Variants in JAKMIP1 observed in about 807,000 individuals in gnomAD.
JAKMIP1 encodes the protein janus kinase and microtubule-interacting protein 1.
JAKMIP1 carries 33 observed loss-of-function variants against 113.0 expected under a neutral mutation model. That is an observed-to-expected ratio of 0.29 (90% CI 0.22 to 0.39). The LOEUF (loss-of-function observed/expected upper bound fraction) is 0.39. JAKMIP1 is among the 10% of genes least tolerant of loss of function. The pLI is 1.00. For missense variants in JAKMIP1, 813 were observed against 1,080.5 expected, an observed-to-expected ratio of 0.75 and a Z score of 3.47; for synonymous variants, 480 against 459.9, an observed-to-expected ratio of 1.04 and a Z score of -0.56.
intron 1 of JAKMIP1, among the ~76,000 whole-genome samples, chr4:6,119,373 C>G (rs936707789): frequency 6.6e-6 from 1 of 152,072 alleles, no homozygotes; most frequent in African/African-American, 2.4e-5. Flanking sequence ...GAAGAAACCC[C>G]CCTCTCGGCT....
Position 6,050,349 on chromosome 4 carries a change from C to T in JAKMIP1, c.1908+229G>A, listed in dbSNP as rs1715503704. On this transcript the variant is annotated intron_variant, in intron 14 of 20. Transcript: ENST00000409021. This position sits in a 1 kb window ranked among gnomAD's most constrained non-coding sequence, Gnocchi z 7.4. ...TTTACAGGCCAGAGCAGTGGTGGAA[C>T]TGGGGTTCACACTCAGGGCTATACA... 6.6e-6 allele frequency among the ~76,000 whole-genome samples: 1 copy of T among 152,214 alleles called. No homozygotes were observed. The highest frequency in any genetic ancestry group is 2.4e-5 in the African/African-American group (1 of 41,456).
At chr4:6,037,590 C>A (rs1295277354) in intron 18 of JAKMIP1, among the ~76,000 whole-genome samples, 1 of 147,812 alleles carries the variant, frequency 6.8e-6, no homozygotes, top group African/African-American at 2.6e-5. Context: ...ACCCAGTAGC[C>A]CTCCATCACC....
chr4:6,190,150 G>T (rs1215763100), intron 1 of JAKMIP1, among the ~76,000 whole-genome samples: 1 of 152,136 alleles, frequency 6.6e-6, no homozygotes, highest in African/African-American at 2.4e-5. Flanking sequence ...GTTCTCAGGA[G>T]AGGGCTATGG....
intron 19 of JAKMIP1, among the ~76,000 whole-genome samples, chr4:6,030,092 C>T (rs1430385500): frequency 6.6e-6 from 1 of 152,186 alleles, no homozygotes; most frequent in Non-Finnish European, 1.5e-5. Context: ...TTACACAGTA[C>T]ACATTCTTAA....
Position 6,139,083 on chromosome 4 carries a change from CATAT to C in JAKMIP1, c.-147-26090_-147-26087del, listed in dbSNP as rs768087157. Among the ~76,000 whole-genome samples the C allele has an allele frequency of 5.5e-3, 172 of 31,250 alleles. No homozygotes were observed. The highest frequency in any genetic ancestry group is 0.011 in the Non-Finnish European group (118 of 10,296). The allele number at this position is 31,250 out of a possible 152,430, so 20.5% of individuals were successfully genotyped here. On this transcript the variant is annotated intron_variant, in intron 1 of 20. Transcript: ENST00000409021. The surrounding 1 kb of genome is among the most constrained non-coding windows in gnomAD (Gnocchi z 5.2). ...ACACACACACACACACACACACACA[CATAT>C]ACACACACACACACACACCAGCAGG...
At position 6,135,396 on chromosome 4, in the gene JAKMIP1, A is replaced by G. The variant is rs959346361; in HGVS notation, c.-147-22399T>C. On this transcript the variant is annotated intron_variant, in intron 1 of 20. Transcript: ENST00000409021. The surrounding 1 kb of genome is among the most constrained non-coding windows in gnomAD (Gnocchi z 4.9). ...AAGGAGAGAGGCTTCGGAAGAAACC[A>G]ACCCTGGTGGCAGCTTGATCTCGGA... Among the ~76,000 whole-genome samples, 1 of 152,162 alleles carries G rather than the reference A, an allele frequency of 6.6e-6. No homozygotes were observed. Among genetic ancestry groups the G allele is most frequent in the Non-Finnish European group, 1.5e-5 (1 of 68,032 alleles).
chr4:6,071,469 C>G (rs1718951516), intron 8 of JAKMIP1, among the ~76,000 whole-genome samples: 1 of 152,252 alleles, frequency 6.6e-6, no homozygotes, highest in South Asian at 2.1e-4. Context: ...GACCCAGCCT[C>G]TGCAGCAGCT....
At chr4:6,026,866 A>ATTTT (rs370379960) in intron 20 of JAKMIP1, among the ~76,000 whole-genome samples, 14 of 140,702 alleles carry the variant, frequency 1.0e-4, no homozygotes, top group Admixed American at 2.8e-4. Flanking sequence ...ATTTCTTTGC[A>ATTTT]TTTTTTTTTT....
At chr4:6,164,498 C>G (rs1451717746) in intron 1 of JAKMIP1, among the ~76,000 whole-genome samples, 1 of 152,112 alleles carries the variant, frequency 6.6e-6, no homozygotes, top group Non-Finnish European at 1.5e-5. Flanking sequence ...TTCTGCAGCC[C>G]ATGGATCAAG....
chr4:6,128,384 G>A (rs555456511), intron 1 of JAKMIP1, among the ~76,000 whole-genome samples: 1 of 152,136 alleles, frequency 6.6e-6, no homozygotes, highest in Non-Finnish European at 1.5e-5. Context: ...TGGACAGAAG[G>A]CCACCTGCTT....
Position 6,094,276 on chromosome 4 carries a change from T to C in JAKMIP1, c.625-8647A>G, listed in dbSNP as rs533714543. On this transcript the variant is annotated intron_variant, in intron 3 of 20. Transcript: ENST00000409021. The surrounding 1 kb of genome is among the most constrained non-coding windows in gnomAD (Gnocchi z 4.2). ...CTCACCAAATGGAGTGCCCGGAAAA[T>C]ATATAGCCTCTCTTCCGTAATTTTC... Among the ~76,000 whole-genome samples the C allele has an allele frequency of 7.7e-4, 117 of 152,014 alleles. No individual in the cohort carries two copies. Among genetic ancestry groups the C allele is most frequent in the Non-Finnish European group, 1.5e-3 (103 of 67,956 alleles).
chr4:6,183,894 C>T lies in JAKMIP1; in HGVS notation c.-148+16359G>A, dbSNP rs938360225. Among the ~76,000 whole-genome samples, 4 of 152,162 alleles carry T rather than the reference C, an allele frequency of 2.6e-5. No homozygotes were observed. The highest frequency in any genetic ancestry group is 5.9e-5 in the Non-Finnish European group (4 of 68,032). ...GGAATCACAAATGCGGTATGCAAAT[C>T]GTCACAACAGAATATTTTCACAACC... On this transcript the variant is annotated intron_variant, in intron 1 of 20. Coordinates refer to ENST00000409021, the MANE Select transcript of JAKMIP1 (RefSeq NM_001099433.2). The surrounding 1 kb of genome is among the most constrained non-coding windows in gnomAD (Gnocchi z 5.3).
chr4:6,112,838 C>T lies in JAKMIP1; in HGVS notation c.13G>A (p.Gly5Ser). 6.2e-7 allele frequency: 1 copy of T among 1,613,880 alleles called. No individual in the cohort carries two copies. Among genetic ancestry groups the T allele is most frequent in the Non-Finnish European group, 8.5e-7 (1 of 1,179,980 alleles). MSKK[G>S]RSKGEKPEME... ...TCGGGCTTCTCGCCCTTGCTCCGGCCTTTCTTCGACATGCTTCCCCTTGGG... is the reference window on the plus strand; with the variant it reads ...TCGGGCTTCTCGCCCTTGCTCCGGCTTTTCTTCGACATGCTTCCCCTTGGG... The change falls in exon 2 of 21, where the codon GGC becomes AGC. Residue 5 changes from glycine (G) to serine (S), a missense_variant. Coordinates refer to ENST00000409021, the MANE Select transcript of JAKMIP1 (RefSeq NM_001099433.2).
rs918526277 is a variant in JAKMIP1 at position 6,093,063 on chromosome 4, T to C, written c.625-7434A>G. On this transcript the variant is annotated intron_variant, in intron 3 of 20. Coordinates refer to ENST00000409021, the MANE Select transcript of JAKMIP1 (RefSeq NM_001099433.2). This position sits in a 1 kb window ranked among gnomAD's most constrained non-coding sequence, Gnocchi z 4.6. ...AGATATGGTTAAAATGATCACATCA[T>C]GCCCCATTACTTCCAAACCTTTGCC... Among the ~76,000 whole-genome samples the C allele has an allele frequency of 1.3e-5, 2 of 152,264 alleles. No homozygotes were observed.
At chr4:6,109,355 G>A (rs376808337) in intron 2 of JAKMIP1, among the ~76,000 whole-genome samples, 8 of 151,652 alleles carry the variant, frequency 5.3e-5, no homozygotes, top group Non-Finnish European at 1.0e-4. Flanking sequence ...GGATGGTCTC[G>A]ATCTCCTGAC....
rs1232718857 is a variant in JAKMIP1 at position 6,158,066 on chromosome 4, G to A, written c.-148+42187C>T. Among the ~76,000 whole-genome samples the A allele has an allele frequency of 1.3e-5, 2 of 152,130 alleles. No homozygotes were observed. Among genetic ancestry groups the A allele is most frequent in the African/African-American group, 2.4e-5 (1 of 41,420 alleles). Reference sequence around the variant, plus strand: ...GGTAGGGCTCAAGCTGTCGGCCAGCGCCGTCCCTCTCCCTGTGTGAGACGC... The same window carrying A: ...GGTAGGGCTCAAGCTGTCGGCCAGCACCGTCCCTCTCCCTGTGTGAGACGC... On this transcript the variant is annotated intron_variant, in intron 1 of 20. Coordinates refer to ENST00000409021, the MANE Select transcript of JAKMIP1 (RefSeq NM_001099433.2). This position sits in a 1 kb window ranked among gnomAD's most constrained non-coding sequence, Gnocchi z 5.3.
At chr4:6,079,671 C>A (rs1720217184) in intron 7 of JAKMIP1, among the ~76,000 whole-genome samples, 1 of 152,134 alleles carries the variant, frequency 6.6e-6, no homozygotes, top group Admixed American at 6.5e-5. Context: ...TACTCAACCC[C>A]CTTTGATAGA....
chr4:6,147,641 C>T (rs528463335), intron 1 of JAKMIP1, among the ~76,000 whole-genome samples: 12 of 152,336 alleles, frequency 7.9e-5, no homozygotes, highest in African/African-American at 1.4e-4. Flanking sequence ...TCTGCATCCA[C>T]GGCCTCTGAA....
Position 6,158,331 on chromosome 4 carries a change from G to T in JAKMIP1, c.-148+41922C>A. Among the ~76,000 whole-genome samples, 1 of 152,186 alleles carries T rather than the reference G, an allele frequency of 6.6e-6. No individual in the cohort carries two copies. The highest frequency in any genetic ancestry group is 1.9e-4 in the East Asian group (1 of 5,194). On this transcript the variant is annotated intron_variant, in intron 1 of 20. Transcript: ENST00000409021. The surrounding 1 kb of genome is among the most constrained non-coding windows in gnomAD (Gnocchi z 5.3). ...CATAGGGATGGTAGTGGGATGGGGT[G>T]GTGTCTGCCTCCCAGTCTGTATCCA...
Sources: gnomAD v4.1 joint callset for allele counts (sites outside exome capture counted in the v4.1 genomes callset) on GRCh38, gnomAD v4.1.1 for gene constraint, Gnocchi (gnomAD v3.1) non-coding constraint, MANE v1.5 for transcripts, NCBI Gene and HGNC (gene_info 2026-07-23, HGNC 2026-07-21) for gene names.